RUNX1T1: variants seen among roughly 807,000 people sequenced by gnomAD.
The protein encoded by RUNX1T1 is protein CBFA2T1.
RUNX1T1 carries 4 observed loss-of-function variants against 62.8 expected under a neutral mutation model. The ratio of observed to expected loss-of-function variants is 0.06; its 90% CI spans 0.03 to 0.15. The LOEUF (loss-of-function observed/expected upper bound fraction) is 0.15, where lower values mean the gene tolerates loss of function less well. Ranked by LOEUF, RUNX1T1 falls within the 10% of genes least tolerant of loss-of-function variation. The pLI is 1.00. For synonymous variants in RUNX1T1, 291 were observed against 286.0 expected, an observed-to-expected ratio of 1.02 and a Z score of -0.18; for missense variants, 508 against 754.3, an observed-to-expected ratio of 0.67 and a Z score of 3.82.
intron 1 of RUNX1T1, among the ~76,000 whole-genome samples, chr8:92,058,099 TG>T (rs1234960300): frequency 1.3e-5 from 2 of 152,114 alleles, no homozygotes; most frequent in Non-Finnish European, 1.5e-5. Context: ...TCTACCCCTC[TG>T]GGCTCCTGCA....
At chr8:92,099,390 A>T (rs1234200051) in intron 1 of RUNX1T1, among the ~76,000 whole-genome samples, 2 of 152,104 alleles carry the variant, frequency 1.3e-5, no homozygotes, top group Non-Finnish European at 2.9e-5. Flanking sequence ...CTGCAAGCAC[A>T]TGGTTAAAAG....
chr8:92,096,529 G>T (rs898782532), intron 1 of RUNX1T1, among the ~76,000 whole-genome samples: 1 of 152,184 alleles, frequency 6.6e-6, no homozygotes, highest in Non-Finnish European at 1.5e-5. Context: ...CATCTGATCA[G>T]CTCCTTAATG....
intron 8 of RUNX1T1, among the ~76,000 whole-genome samples, chr8:91,982,308 A>G (rs918786677): frequency 6.6e-6 from 1 of 152,052 alleles, no homozygotes; most frequent in Non-Finnish European, 1.5e-5. Context: ...GCGCACACAG[A>G]TACAAGACAA....
intron 1 of RUNX1T1, among the ~76,000 whole-genome samples, chr8:92,060,169 TA>T (rs1379115903): frequency 6.6e-6 from 1 of 152,122 alleles, no homozygotes; most frequent in Non-Finnish European, 1.5e-5. Context: ...ATCTAGTTGT[TA>T]CAAAAGTGAC....
chr8:92,008,053 A>G (rs1821153962), intron 4 of RUNX1T1, among the ~76,000 whole-genome samples: 2 of 152,104 alleles, frequency 1.3e-5, no homozygotes, highest in Admixed American at 6.5e-5. Context: ...CTACCATTGT[A>G]CATGCAGTCC....
At chr8:92,074,458 T>C (rs984606577) in intron 2 of RUNX1T1, among the ~76,000 whole-genome samples, 2 of 152,176 alleles carry the variant, frequency 1.3e-5, no homozygotes, top group African/African-American at 4.8e-5. Context: ...CTTAGATATC[T>C]TTATCATATT....
intron 1 of RUNX1T1, among the ~76,000 whole-genome samples, chr8:92,082,520 A>G (rs959715946): frequency 6.6e-6 from 1 of 152,168 alleles, no homozygotes; most frequent in Non-Finnish European, 1.5e-5. Flanking sequence ...CATTCCATCA[A>G]GTCCTCCCTT....
At chr8:92,076,449 T>A (rs906170790) in intron 1 of RUNX1T1, among the ~76,000 whole-genome samples, 2 of 152,150 alleles carry the variant, frequency 1.3e-5, no homozygotes, top group Non-Finnish European at 2.9e-5. Context: ...TAAGAGAATG[T>A]TACATTTTAC....
downstream of RUNX1T1, chr8:91,956,216 A>G (rs1480301274): frequency 8.7e-6 from 2 of 231,166 alleles, no homozygotes; most frequent in Non-Finnish European, 1.7e-5. Context: ...AATCTAGGCA[A>G]GCCAAGCTCT....
At chr8:91,994,780 T>C (rs1283895079) in intron 5 of RUNX1T1, among the ~76,000 whole-genome samples, 1 of 152,218 alleles carries the variant, frequency 6.6e-6, no homozygotes, top group African/African-American at 2.4e-5. Flanking sequence ...TTTCAATCAC[T>C]GGGGTTCCAC....
chr8:92,005,267 G>A, exon 5 of RUNX1T1: 11 of 1,612,816 alleles, frequency 6.8e-6, no homozygotes, highest in Non-Finnish European at 9.3e-6. Context: ...GCGCAGTGGA[G>A]GAGCTCACGC....
chr8:92,012,149 A>C (rs1233469828), intron 3 of RUNX1T1, among the ~76,000 whole-genome samples: 1 of 152,242 alleles, frequency 6.6e-6, no homozygotes, highest in Admixed American at 6.5e-5. Context: ...TCTTCATATG[A>C]AACTATGAAT....
At chr8:92,014,756 G>A in exon 3 of RUNX1T1, 2 of 1,613,974 alleles carry the variant, frequency 1.2e-6, no homozygotes, top group Non-Finnish European at 1.7e-6. Context: ...GCCCATTGCT[G>A]AAGCCATTGG....
chr8:91,974,764 G>T (rs993423920), intron 9 of RUNX1T1, among the ~76,000 whole-genome samples: 1 of 152,132 alleles, frequency 6.6e-6, no homozygotes, highest in African/African-American at 2.4e-5. Flanking sequence ...CGTATTGGAC[G>T]TGCAAGACAG....
rs186772211 is a variant in RUNX1T1, at chr8:91,971,766, C to T, written c.1268-918G>A. ...ATACCACAGGCCAAAACAATCAGGC[C>T]TGACTATGAGTCTGCAAGGTGTCAA... On this transcript the variant is annotated intron_variant, in intron 9 of 10. Transcript: ENST00000396218. Among the ~76,000 whole-genome samples, 185 of 152,232 alleles carry T rather than the reference C, an allele frequency of 1.2e-3. 1 individual carries two copies. The South Asian group carries it at 0.012, about 10-fold the overall frequency.
intron 5 of RUNX1T1, among the ~76,000 whole-genome samples, chr8:92,003,947 C>T (rs542291135): frequency 2.0e-5 from 3 of 152,298 alleles, no homozygotes; most frequent in African/African-American, 7.2e-5. Flanking sequence ...GAATTTTAAA[C>T]TATTAAGAGG....
chr8:92,067,359 G>A (rs865777498), upstream of RUNX1T1, among the ~76,000 whole-genome samples: 1 of 152,186 alleles, frequency 6.6e-6, no homozygotes, highest in Non-Finnish European at 1.5e-5. Flanking sequence ...GCAAGTGGCA[G>A]GCTGAGAGCT....
intron 2 of RUNX1T1, among the ~76,000 whole-genome samples, chr8:92,073,967 G>A (rs1339745913): frequency 6.6e-6 from 1 of 152,024 alleles, no homozygotes; most frequent in Non-Finnish European, 1.5e-5. Context: ...CAAAGTGCTG[G>A]GATTATAGGT....
chr8:92,067,760 A>C (rs971990777), upstream of RUNX1T1, among the ~76,000 whole-genome samples: 16 of 152,334 alleles, frequency 1.1e-4, no homozygotes, highest in Non-Finnish European at 2.2e-4. Context: ...TGTTTAAGAC[A>C]AAATATCACA....
Sources: gnomAD v4.1 joint callset for allele counts (sites outside exome capture counted in the v4.1 genomes callset) on GRCh38, gnomAD v4.1.1 for gene constraint, MANE v1.5 for transcripts, NCBI Gene and HGNC (gene_info 2026-07-23, HGNC 2026-07-21) for gene names.